SEC63: variants seen among roughly 807,000 people sequenced by gnomAD.
SEC63 encodes SEC63 protein translocation regulator.
A neutral mutation model predicts 116.2 loss-of-function variants in SEC63; 56 were observed. The ratio of observed to expected loss-of-function variants is 0.48; its 90% CI spans 0.39 to 0.60. The LOEUF (loss-of-function observed/expected upper bound fraction) is 0.60, where lower values mean the gene tolerates loss of function less well. Among genes scored for constraint, SEC63 ranks in the 20% least tolerant of loss-of-function variants. The probability of loss-of-function intolerance (pLI) is 0.00; values close to 1 mark genes in which losing one functional copy is unlikely to be tolerated. For missense variants in SEC63, 668 were observed against 900.0 expected, an observed-to-expected ratio of 0.74 and a Z score of 3.30; for synonymous variants, 273 against 294.6, an observed-to-expected ratio of 0.93 and a Z score of 0.75.
intron 17 of SEC63, 25 bp from the exon 18 acceptor site, chr6:107,881,275 T>C (rs1176495974): frequency 2.7e-6 from 4 of 1,463,866 alleles, no homozygotes; most frequent in Non-Finnish European, 3.8e-6. Flanking sequence ...AATTAAAATA[T>C]TTAAAATCTA....
In SEC63 at chr6:107,868,986, A is replaced by G. The variant is rs968429923; in HGVS notation, c.*2718T>C. The stretch of plus-strand genomic sequence containing the variant: ...ACTTGTGGTCAAAAATAACATGCCT[A>G]GAGAGCCTCATTATATCTCTCCCTC... On this transcript the variant is annotated 3_prime_UTR_variant, in exon 21 of 21. Coordinates refer to ENST00000369002, the MANE Select transcript of SEC63 (RefSeq NM_007214.5). 1 of 152,212 alleles carries G rather than the reference A, an allele frequency of 6.6e-6. No individual in the cohort carries two copies. Among genetic ancestry groups the G allele is most frequent in the Non-Finnish European group, 1.5e-5 (1 of 68,040 alleles). The allele number at this position is 152,212 out of a possible 1,614,324, so 9.4% of individuals were successfully genotyped here. A position where few individuals can be genotyped will look rare whatever the true frequency, so the allele number is the denominator to read the frequency against.
rs1217875134 is a variant in SEC63, at chr6:107,918,903, CCTT to C, written c.452+2891_452+2893del. ...AGAGGAGTTTGGTAGAAGCTGATTTCCTTTTTTTTTTTTTTTTTTTTTTTTGAG... is the reference window on the plus strand; with the variant it reads ...AGAGGAGTTTGGTAGAAGCTGATTTCTTTTTTTTTTTTTTTTTTTTTTGAG... On this transcript the variant is annotated intron_variant, in intron 4 of 20. Transcript: ENST00000369002. Among the ~76,000 whole-genome samples the C allele has an allele frequency of 5.2e-3, 563 of 108,470 alleles. 14 individuals carry two copies. Among genetic ancestry groups the C allele is most frequent in the African/African-American group, 0.017 (541 of 31,406 alleles). The allele number at this position is 108,470 out of a possible 152,430, so 71.2% of individuals were successfully genotyped here.
At position 107,901,437 on chromosome 6, in the gene SEC63, T is replaced by C. The variant is rs1385573654; in HGVS notation, c.1290A>G (p.Glu430=). Residue 430 remains glutamate (E), a synonymous_variant, in exon 13 of 21, where the codon GAA becomes GAG. Transcript: ENST00000369002. The part of the protein sequence containing the change: ...RHTLLHFLED[E]KYEEVMAVLG... ...GGACAGCCATAACCTCTTCATATTT[T>C]TCATCTTCAAGGAAGTGCAGTAGAG... 10 of 1,613,052 alleles carry C rather than the reference T, an allele frequency of 6.2e-6. No individual in the cohort carries two copies. The highest frequency in any genetic ancestry group is 8.5e-6 in the Non-Finnish European group (10 of 1,179,280).
At chr6:107,939,020 T>G (rs1770315179) in intron 1 of SEC63, among the ~76,000 whole-genome samples, 1 of 152,236 alleles carries the variant, frequency 6.6e-6, no homozygotes, top group African/African-American at 2.4e-5. Flanking sequence ...CAGTAGCTCA[T>G]GCCTTTAATC....
chr6:107,879,604 C>T (rs890829060), intron 18 of SEC63, among the ~76,000 whole-genome samples: 3 of 152,146 alleles, frequency 2.0e-5, no homozygotes, highest in Admixed American at 6.5e-5. Context: ...GGATTACAGG[C>T]ATGAGCCACT....
chr6:107,910,564 A>G (rs991653783), intron 7 of SEC63, among the ~76,000 whole-genome samples: 15 of 152,228 alleles, frequency 9.9e-5, no homozygotes, highest in Non-Finnish European at 1.5e-4. Flanking sequence ...TGCATGTCAT[A>G]CATATACACG....
intron 19 of SEC63, among the ~76,000 whole-genome samples, chr6:107,876,036 C>A (rs537587063): frequency 9.9e-5 from 15 of 151,974 alleles, no homozygotes; most frequent in Non-Finnish European, 1.8e-4. Context: ...GCAGACAGAA[C>A]CTTCTTCCTA....
intron 16 of SEC63, among the ~76,000 whole-genome samples, chr6:107,884,970 T>TGAATTGTCAGCAATTGTCAGCTGACA (rs1786495496): frequency 1.3e-5 from 2 of 149,908 alleles, no homozygotes; most frequent in African/African-American, 4.9e-5. Flanking sequence ...TATCTGCTAG[T>TGAATTGTCAGCAATTGTCAGCTGACA]GATAAAAATT....
intron 13 of SEC63, among the ~76,000 whole-genome samples, chr6:107,898,961 G>A (rs1786931025): frequency 6.6e-6 from 1 of 152,144 alleles, no homozygotes; most frequent in South Asian, 2.1e-4. Context: ...TATCAACAAA[G>A]GGTATGGTAT....
intron 4 of SEC63, among the ~76,000 whole-genome samples, chr6:107,919,547 G>A (rs1285045537): frequency 2.0e-5 from 3 of 152,184 alleles, no homozygotes; most frequent in Non-Finnish European, 2.9e-5. Flanking sequence ...TTCTGGCTGA[G>A]CACGGTGGTT....
intron 1 of SEC63, among the ~76,000 whole-genome samples, chr6:107,944,622 G>A (rs1020337657): frequency 9.9e-5 from 15 of 152,052 alleles, no homozygotes; most frequent in African/African-American, 2.9e-4. Flanking sequence ...ACTTAAACCC[G>A]GGAAGTGGCG....
In SEC63 at chr6:107,893,361, T is replaced by C. The variant is rs931104028; in HGVS notation, c.1674+121A>G. The stretch of plus-strand genomic sequence containing the variant: ...TGACTGAGAAGAGCACAAGGGAGCT[T>C]TCTAGGGTATCACGGGTGCATAAAT... On this transcript the variant is annotated intron_variant, in intron 16 of 20. Transcript: ENST00000369002. The C allele has an allele frequency of 3.3e-6, 3 of 912,308 alleles. No homozygotes were observed. In the African/African-American group the frequency reaches 5.0e-5, roughly 15 times the overall value. 56.5% of individuals were successfully genotyped at this position (912,308 alleles called of 1,614,324 possible).
intron 4 of SEC63, among the ~76,000 whole-genome samples, chr6:107,914,845 C>T (rs1426975460): frequency 1.3e-5 from 2 of 152,082 alleles, no homozygotes; most frequent in African/African-American, 4.8e-5. Context: ...CTGCTCTGTC[C>T]TCTATACAAT....
chr6:107,913,012 C>T (rs1562326547), intron 5 of SEC63, among the ~76,000 whole-genome samples: 1 of 152,122 alleles, frequency 6.6e-6, no homozygotes. Flanking sequence ...CAAATTCCTT[C>T]TCTCAAGAAA....
Position 107,922,271 on chromosome 6 carries a change from A to C in SEC63, c.340-362T>G, listed in dbSNP as rs1005429320. On this transcript the variant is annotated intron_variant, in intron 3 of 20. Coordinates refer to ENST00000369002, the MANE Select transcript of SEC63 (RefSeq NM_007214.5). ...TGTAATCCCAGCACTTTGGAAGCCA[A>C]GGTGGGCGGATCACCTGAGGTCAGG... Among the ~76,000 whole-genome samples, 6 of 152,244 alleles carry C rather than the reference A, an allele frequency of 3.9e-5. 1 individual carries two copies. Among genetic ancestry groups the C allele is most frequent in the Admixed American group, 6.5e-5 (1 of 15,288 alleles).
chr6:107,935,392 G>C (rs540789000), intron 1 of SEC63, among the ~76,000 whole-genome samples: 1 of 151,396 alleles, frequency 6.6e-6, no homozygotes, highest in Admixed American at 6.6e-5. Flanking sequence ...GATGGTTGCC[G>C]TGTCTGTGTA....
intron 4 of SEC63, among the ~76,000 whole-genome samples, chr6:107,915,734 A>T (rs1473920926): frequency 2.0e-5 from 3 of 152,218 alleles, no homozygotes; most frequent in African/African-American, 7.2e-5. Flanking sequence ...AAAACTTTGC[A>T]CATCAAAGCC....
intron 1 of SEC63, among the ~76,000 whole-genome samples, chr6:107,950,739 G>T (rs541013271): frequency 3.9e-5 from 6 of 152,320 alleles, no homozygotes; most frequent in African/African-American, 7.2e-5. Flanking sequence ...TTTTGAAAAA[G>T]TAAGGTTAAG....
At position 107,953,955 on chromosome 6, in the gene SEC63, T is replaced by C. The variant is rs1312271556; in HGVS notation, c.124+3931A>G. Among the ~76,000 whole-genome samples the C allele has an allele frequency of 3.3e-5, 5 of 152,046 alleles. 1 individual carries two copies. Among genetic ancestry groups the C allele is most frequent in the African/African-American group, 9.7e-5 (4 of 41,412 alleles). Reference sequence around the variant, plus strand: ...GCCCCTCTGCCCGGCCACCACCCCGTCTGGGAGGTGTACCCAACAGCTCAT... The same window carrying C: ...GCCCCTCTGCCCGGCCACCACCCCGCCTGGGAGGTGTACCCAACAGCTCAT... On this transcript the variant is annotated intron_variant, in intron 1 of 20. Coordinates refer to ENST00000369002, the MANE Select transcript of SEC63 (RefSeq NM_007214.5).
Sources: allele counts gnomAD v4.1 joint callset (sites outside exome capture counted in the v4.1 genomes callset), GRCh38; gene constraint gnomAD v4.1.1; transcripts MANE v1.5; gene names NCBI Gene and HGNC (gene_info 2026-07-23, HGNC 2026-07-21).